Variants in DCC observed in about 807,000 individuals in gnomAD.
The protein encoded by DCC is DCC netrin 1 receptor.
DCC carries 58 observed loss-of-function variants against 172.5 expected under a neutral mutation model. The observed-to-expected ratio is 0.34, with a 90% CI of 0.27 to 0.42. DCC has a LOEUF of 0.42. DCC is among the 10% of genes least tolerant of loss of function. The pLI is 1.00. For synonymous variants in DCC, 709 were observed against 644.5 expected (o/e 1.10, Z -1.52); for missense variants, 1,740 against 1,791.0 (o/e 0.97, Z 0.51).
At chr18:53,470,738 A>G (rs985501017) in intron 25 of DCC, among the ~76,000 whole-genome samples, 1 of 152,126 alleles carries the variant, frequency 6.6e-6, no homozygotes, top group African/African-American at 2.4e-5. Context: ...AGAGAGAGAA[A>G]AAACGAAGGG....
At chr18:52,466,993 T>A (rs1988803184) in intron 1 of DCC, among the ~76,000 whole-genome samples, 1 of 152,004 alleles carries the variant, frequency 6.6e-6, no homozygotes, top group African/African-American at 2.4e-5. Flanking sequence ...TTTGAGCCCA[T>A]GTTCCAAATC....
At chr18:52,935,816 T>C (rs1303354392) in intron 5 of DCC, among the ~76,000 whole-genome samples, 2 of 152,120 alleles carry the variant, frequency 1.3e-5, no homozygotes, top group African/African-American at 2.4e-5. Context: ...TATTTATCTT[T>C]TTATTGCAAT....
chr18:53,271,024 C>CTAT (rs2056742382), intron 12 of DCC, among the ~76,000 whole-genome samples: 1 of 152,254 alleles, frequency 6.6e-6, no homozygotes, highest in East Asian at 1.9e-4. Flanking sequence ...TGGAGCATAG[C>CTAT]TATTACATAG....
intron 1 of DCC, among the ~76,000 whole-genome samples, chr18:52,447,671 G>A (rs572128652): frequency 6.6e-6 from 1 of 152,282 alleles, no homozygotes; most frequent in African/African-American, 2.4e-5. Flanking sequence ...GAAGCATGAT[G>A]GCATCTGCTC....
chr18:52,993,345 A>G (rs925076232), intron 5 of DCC, among the ~76,000 whole-genome samples: 1 of 152,184 alleles, frequency 6.6e-6, no homozygotes, highest in African/African-American at 2.4e-5. Context: ...AGGTACAATA[A>G]TGTGCTTGGC....
At chr18:52,480,947 G>C (rs1144045) in intron 1 of DCC, among the ~76,000 whole-genome samples, 47,007 of 151,328 alleles carry the variant, frequency 0.31, 8,183 homozygotes, top group Non-Finnish European at 0.39. Flanking sequence ...AAATTACTAA[G>C]AGTAATTTAT....
intron 5 of DCC, among the ~76,000 whole-genome samples, chr18:53,046,761 T>A (rs996166007): frequency 6.6e-6 from 1 of 151,942 alleles, no homozygotes; most frequent in Non-Finnish European, 1.5e-5. Context: ...GACACAGTAA[T>A]GTTTGAGTTT....
intron 7 of DCC, among the ~76,000 whole-genome samples, chr18:53,114,600 T>C (rs1226143839): frequency 6.6e-6 from 1 of 151,538 alleles, no homozygotes; most frequent in Non-Finnish European, 1.5e-5. Flanking sequence ...GTAGTGTACA[T>C]ACCAAGCCCA....
chr18:52,881,680 T>A (rs1441509562), intron 2 of DCC, among the ~76,000 whole-genome samples: 1 of 152,196 alleles, frequency 6.6e-6, no homozygotes, highest in African/African-American at 2.4e-5. Context: ...TTTATGCCAG[T>A]ACCATGCTGT....
intron 7 of DCC, among the ~76,000 whole-genome samples, chr18:53,141,231 G>A (rs2043825596): frequency 6.6e-6 from 1 of 152,090 alleles, no homozygotes; most frequent in Non-Finnish European, 1.5e-5. Context: ...TTTGTTAAAG[G>A]GCTAAAAAAT....
At chr18:52,715,443 G>T (rs1369618867) in intron 1 of DCC, among the ~76,000 whole-genome samples, 1 of 151,808 alleles carries the variant, frequency 6.6e-6, no homozygotes, top group Admixed American at 6.6e-5. Context: ...GAAATTACAG[G>T]CACCTGCCAC....
chr18:52,927,927 C>A (rs953968398), intron 5 of DCC, among the ~76,000 whole-genome samples: 7 of 151,904 alleles, frequency 4.6e-5, no homozygotes, highest in African/African-American at 1.7e-4. Flanking sequence ...ATATACTCAA[C>A]GGAATGTAAA....
At chr18:52,987,614 T>C (rs759497818) in intron 5 of DCC, among the ~76,000 whole-genome samples, 1 of 152,188 alleles carries the variant, frequency 6.6e-6, no homozygotes, top group Non-Finnish European at 1.5e-5. Flanking sequence ...GTGGGTTACA[T>C]ATCTGAGGAA....
In DCC at chr18:52,835,474, T is replaced by C. The variant is rs562493465; in HGVS notation, c.413-70570T>C. Among the ~76,000 whole-genome samples the C allele has an allele frequency of 5.3e-5, 8 of 152,348 alleles. No individual in the cohort carries two copies. In the East Asian group the frequency reaches 1.5e-3, roughly 29 times the overall value. On this transcript the variant is annotated intron_variant, in intron 2 of 28. Coordinates refer to ENST00000442544, the MANE Select transcript of DCC (RefSeq NM_005215.4). ...TTAAACTACTGCTGATTTCACTGCA[T>C]TGAAAATGTTGAAGGAAATATGACT...
At chr18:53,235,860 T>C (rs1247234038) in intron 12 of DCC, among the ~76,000 whole-genome samples, 2 of 152,142 alleles carry the variant, frequency 1.3e-5, no homozygotes, top group Non-Finnish European at 2.9e-5. Flanking sequence ...TTCAAACAAA[T>C]GGAATTACAC....
chr18:52,903,685 T>A (rs2039840604), intron 2 of DCC, among the ~76,000 whole-genome samples: 3 of 152,156 alleles, frequency 2.0e-5, no homozygotes. Flanking sequence ...AACTACAAAA[T>A]AAAATACTAG....
At position 52,556,892 on chromosome 18, in the gene DCC, C is replaced by T. The variant is rs192862022; in HGVS notation, c.92-195162C>T. Among the ~76,000 whole-genome samples, 500 of 152,252 alleles carry T rather than the reference C, an allele frequency of 3.3e-3. 1 individual carries two copies. The highest frequency in any genetic ancestry group is 5.5e-3 in the Non-Finnish European group (377 of 68,016). Reference sequence around the variant, plus strand: ...ATTTTGGACTAACTCTCAAATTCTCCTGTGTGGCAAAGTCAAGAACCTGAA... The same window carrying T: ...ATTTTGGACTAACTCTCAAATTCTCTTGTGTGGCAAAGTCAAGAACCTGAA... On this transcript the variant is annotated intron_variant, in intron 1 of 28. Transcript: ENST00000442544.
At chr18:52,578,342 A>T (rs1414716473) in intron 1 of DCC, among the ~76,000 whole-genome samples, 1 of 152,226 alleles carries the variant, frequency 6.6e-6, no homozygotes, top group Non-Finnish European at 1.5e-5. Flanking sequence ...CTAAGTTCTT[A>T]TATTTTGCCC....
intron 1 of DCC, among the ~76,000 whole-genome samples, chr18:52,402,329 C>T (rs1263722743): frequency 6.6e-6 from 1 of 151,964 alleles, no homozygotes; most frequent in East Asian, 1.9e-4. Context: ...ACTCTATAAA[C>T]AAGAATGCAT....
Sources: gnomAD v4.1 joint callset for allele counts (sites outside exome capture counted in the v4.1 genomes callset) on GRCh38, gnomAD v4.1.1 for gene constraint, MANE v1.5 for transcripts, NCBI Gene and HGNC (gene_info 2026-07-23, HGNC 2026-07-21) for gene names.